The following MAPKAPK5 variants were observed in gnomAD, a reference collection of about 807,000 sequenced individuals.
MAPKAPK5 encodes MAP kinase-activated protein kinase 5.
A neutral mutation model predicts 65.1 loss-of-function variants in MAPKAPK5; 30 were observed. That is an observed-to-expected ratio of 0.46 (90% CI 0.34 to 0.63). The LOEUF (loss-of-function observed/expected upper bound fraction) is 0.63, where lower values mean the gene tolerates loss of function less well. Among genes scored for constraint, MAPKAPK5 ranks in the 20% least tolerant of loss-of-function variants. The probability of loss-of-function intolerance (pLI) is 0.01; values close to 1 mark genes in which losing one functional copy is unlikely to be tolerated. For synonymous variants in MAPKAPK5, 179 were observed against 204.6 expected (o/e 0.87, Z 1.07); for missense variants, 433 against 581.4 (o/e 0.74, Z 2.63).
chr12:111,862,825 G>A (rs2069485969), intron 1 of MAPKAPK5, among the ~76,000 whole-genome samples: 1 of 152,200 alleles, frequency 6.6e-6, no homozygotes, highest in African/African-American at 2.4e-5. Flanking sequence ...AGAGTCTACT[G>A]TGAGTGTATG....
chr12:111,876,688 T>G (rs891814938), intron 7 of MAPKAPK5, among the ~76,000 whole-genome samples: 5 of 152,168 alleles, frequency 3.3e-5, no homozygotes, highest in Admixed American at 6.5e-5. Context: ...ACATATATAT[T>G]AGACTGTACA....
At position 111,867,604 on chromosome 12, in the gene MAPKAPK5, A is replaced by G. The variant is rs1388271197; in HGVS notation, c.219A>G (p.Pro73=). 6.2e-7 allele frequency: 1 copy of G among 1,613,882 alleles called. No individual in the cohort carries two copies. The highest frequency in any genetic ancestry group is 1.3e-5 in the African/African-American group (1 of 74,920). The change falls in exon 4 of 14, where the codon CCA becomes CCG. Residue 73 remains proline (P), a synonymous_variant. Coordinates refer to ENST00000550735, the MANE Select transcript of MAPKAPK5 (RefSeq NM_003668.4). The stretch of plus-strand genomic sequence containing the variant: ...TGCACATGATGTGTGCCACACACCC[A>G]AACATAGTTCAGATTATTGAAGTGT... ...VRLHMMCATH[P]NIVQIIEVFA...
chr12:111,902,195 C>T lies in MAPKAPK5; in HGVS notation c.*9134C>T, dbSNP rs2071090002. 6.6e-6 allele frequency: 1 copy of T among 152,154 alleles called. No homozygotes were observed. Among genetic ancestry groups the T allele is most frequent in the South Asian group, 2.1e-4 (1 of 4,822 alleles). 9.4% of individuals were successfully genotyped at this position (152,154 alleles called of 1,614,324 possible). On this transcript the variant is annotated 3_prime_UTR_variant, in exon 14 of 14. Coordinates refer to ENST00000550735, the MANE Select transcript of MAPKAPK5 (RefSeq NM_003668.4). ...AAGGAGAAGTTTTTAAATCCAAAAA[C>T]AAATAAAACCCGATTCATATTAGAC...
rs891358077 is a variant in MAPKAPK5, at chr12:111,900,585, G to A, written c.*7524G>A. On this transcript the variant is annotated 3_prime_UTR_variant, in exon 14 of 14. Coordinates refer to ENST00000550735, the MANE Select transcript of MAPKAPK5 (RefSeq NM_003668.4). The stretch of plus-strand genomic sequence containing the variant: ...TAGGGATTCTGCCTGTGGAAATGGT[G>A]TGGTGGAGGACACGGAGCAGTGTGA... The A allele has an allele frequency of 6.6e-6, 3 of 456,038 alleles. No homozygotes were observed. The highest frequency in any genetic ancestry group is 2.3e-5 in the Admixed American group (1 of 42,564). 28.2% of individuals were successfully genotyped at this position (456,038 alleles called of 1,614,324 possible).
At chr12:111,872,878 T>G (rs1344791072) in intron 7 of MAPKAPK5, among the ~76,000 whole-genome samples, 1 of 152,196 alleles carries the variant, frequency 6.6e-6, no homozygotes, top group Non-Finnish European at 1.5e-5. Context: ...GATTCTTAAC[T>G]TAATTGTTCT....
chr12:111,843,061 G>A (rs1047693074), intron 1 of MAPKAPK5: 4 of 398,580 alleles, frequency 1.0e-5, no homozygotes, highest in African/African-American at 8.2e-5. Flanking sequence ...GGGACGAAGA[G>A]AGCCCTACTA....
chr12:111,879,930 T>G (rs763609565), intron 7 of MAPKAPK5: 25 of 168,616 alleles, frequency 1.5e-4, no homozygotes, highest in African/African-American at 4.8e-5. Flanking sequence ...TCCTGTGACT[T>G]TTCAAGGAAC....
intron 10 of MAPKAPK5, 169 bp from the exon 11 acceptor site, chr12:111,888,319 T>C (rs2269801): frequency 0.18 from 150,022 of 855,522 alleles, 14,101 homozygotes; most frequent in African/African-American, 0.27. Context: ...CTGGTTCCTG[T>C]TGATCCATGG....
In MAPKAPK5 at chr12:111,888,958, A is replaced by G; in HGVS notation, c.1174A>G (p.Lys392Glu). 1 of 1,608,000 alleles carries G rather than the reference A, an allele frequency of 6.2e-7. No homozygotes were observed. The highest frequency in any genetic ancestry group is 8.5e-7 in the Non-Finnish European group (1 of 1,177,222). Residue 392 changes from lysine to glutamate, a missense_variant, in exon 12 of 14, where the codon AAA becomes GAA. Physicochemically the swap from Lys to Glu is moderately conservative, Grantham distance 56. Transcript: ENST00000550735. The stretch of plus-strand genomic sequence containing the variant: ...CGAGGATTCCAATGTTGCCTTGGAA[A>G]AACTCCGAGATGTGATTGCTCAGTG... ...GAEDSNVALE[K>E]LRDVIAQCIL...
chr12:111,883,497 G>C lies in MAPKAPK5; in HGVS notation c.661-84G>C. 8.6e-7 allele frequency: 1 copy of C among 1,159,468 alleles called. No individual in the cohort carries two copies. Among genetic ancestry groups the C allele is most frequent in the Non-Finnish European group, 1.2e-6 (1 of 801,736 alleles). 71.8% of individuals were successfully genotyped at this position (1,159,468 alleles called of 1,614,324 possible). A position where few individuals can be genotyped will look rare whatever the true frequency, so the allele number is the denominator to read the frequency against. On this transcript the variant is annotated intron_variant, in intron 8 of 13. Transcript: ENST00000550735. The surrounding 1 kb of genome is among the most constrained non-coding windows in gnomAD (Gnocchi z 4.8). Reference sequence around the variant, plus strand: ...AGTTTATATCAGCCTATATATTGCAGGGGCTATTCCTGAGCCTGTCATGGG... The same window carrying C: ...AGTTTATATCAGCCTATATATTGCACGGGCTATTCCTGAGCCTGTCATGGG...
Position 111,856,393 on chromosome 12 carries a change from TTC to T in MAPKAPK5, c.37-8855_37-8854del, listed in dbSNP as rs769375927. Among the ~76,000 whole-genome samples the T allele has an allele frequency of 2.7e-4, 7 of 25,968 alleles. No individual in the cohort carries two copies. In the South Asian group the frequency reaches 0.015, roughly 56 times the overall value. 17.0% of individuals were successfully genotyped at this position (25,968 alleles called of 152,430 possible). A position where few individuals can be genotyped will look rare whatever the true frequency, so the allele number is the denominator to read the frequency against. On this transcript the variant is annotated intron_variant, in intron 1 of 13. Transcript: ENST00000550735. Reference sequence around the variant, plus strand: ...CCAGTTTAGCTCCATTGTCTCCCTCTTCTTTTTTTTTCTTTCTTTTTTTTTTT... The same window carrying T: ...CCAGTTTAGCTCCATTGTCTCCCTCTTTTTTTTTTCTTTCTTTTTTTTTTT...
intron 13 of MAPKAPK5, among the ~76,000 whole-genome samples, chr12:111,891,308 G>T (rs1302796056): frequency 2.0e-5 from 3 of 150,086 alleles, no homozygotes; most frequent in Non-Finnish European, 4.4e-5. Flanking sequence ...CACCATGTTG[G>T]CCAGGCTCGT....
intron 1 of MAPKAPK5, among the ~76,000 whole-genome samples, chr12:111,846,833 G>A (rs1023922336): frequency 1.3e-5 from 2 of 152,074 alleles, no homozygotes; most frequent in African/African-American, 2.4e-5. Context: ...TCTTTGTAGT[G>A]TAATGAAATC....
chr12:111,876,161 T>A (rs190833130), intron 7 of MAPKAPK5, among the ~76,000 whole-genome samples: 2 of 140,466 alleles, frequency 1.4e-5, no homozygotes, highest in East Asian at 4.3e-4. Flanking sequence ...GAACAAAGAT[T>A]GAGCCATTGC....
chr12:111,857,410 T>C (rs2069280449), intron 1 of MAPKAPK5, among the ~76,000 whole-genome samples: 1 of 152,014 alleles, frequency 6.6e-6, no homozygotes, highest in African/African-American at 2.4e-5. Context: ...CCTGGCTATT[T>C]TGGGGTTTTA....
rs1037068423 is a variant in MAPKAPK5, at chr12:111,842,364, A to G, written c.-370A>G. The G allele has an allele frequency of 6.1e-6, 1 of 164,150 alleles. No individual in the cohort carries two copies. Among genetic ancestry groups the G allele is most frequent in the Non-Finnish European group, 1.3e-5 (1 of 76,194 alleles). The allele number at this position is 164,150 out of a possible 1,614,324, so 10.2% of individuals were successfully genotyped here. ...CTCTTCTTTAGGACCTGGCGAGCCCAGGTCTAAGCGGCGGCCCCGCGAGGC... is the reference window on the plus strand; with the variant it reads ...CTCTTCTTTAGGACCTGGCGAGCCCGGGTCTAAGCGGCGGCCCCGCGAGGC... On this transcript the variant is annotated 5_prime_UTR_variant, in exon 1 of 14. Coordinates refer to ENST00000550735, the MANE Select transcript of MAPKAPK5 (RefSeq NM_003668.4).
chr12:111,847,360 A>AAAG (rs2068939239), intron 1 of MAPKAPK5, among the ~76,000 whole-genome samples: 1 of 151,508 alleles, frequency 6.6e-6, no homozygotes, highest in Non-Finnish European at 1.5e-5. Flanking sequence ...AAAAAAAAAA[A>AAAG]ATTTAGGATA....
intron 1 of MAPKAPK5, among the ~76,000 whole-genome samples, chr12:111,845,907 A>G (rs1397316371): frequency 2.6e-5 from 4 of 152,140 alleles, no homozygotes; most frequent in African/African-American, 9.7e-5. Context: ...TGGGCGACAG[A>G]GTTAGACTCC....
In MAPKAPK5 at chr12:111,883,604, G is replaced by A. The variant is rs759376549; in HGVS notation, c.684G>A (p.Gly228=). The A allele has an allele frequency of 4.3e-6, 7 of 1,613,720 alleles. No homozygotes were observed. The highest frequency in any genetic ancestry group is 5.9e-6 in the Non-Finnish European group (7 of 1,179,768). The change falls in exon 9 of 14, where the codon GGG becomes GGA. Residue 228 remains glycine (G), a synonymous_variant. Coordinates refer to ENST00000550735, the MANE Select transcript of MAPKAPK5 (RefSeq NM_003668.4). This position sits in a 1 kb window ranked among gnomAD's most constrained non-coding sequence, Gnocchi z 4.8. ...AGAGCTGTGACTTGTGGTCCCTAGG[G>A]GTGATTATCTATGTGATGCTGTGCG... ...YNKSCDLWSL[G]VIIYVMLCGY...
Sources: gnomAD v4.1 joint callset for allele counts (sites outside exome capture counted in the v4.1 genomes callset) on GRCh38, gnomAD v4.1.1 for gene constraint, Gnocchi (gnomAD v3.1) non-coding constraint, MANE v1.5 for transcripts, NCBI Gene and HGNC (gene_info 2026-07-23, HGNC 2026-07-21) for gene names.